The following GALNT1 variants were observed in gnomAD, a reference collection of about 807,000 sequenced individuals.
GALNT1 encodes GalNAc transferase 1.
In GALNT1, 17 loss-of-function variants were observed where a neutral mutation model predicts 65.7. The observed-to-expected ratio is 0.26, with a 90% CI of 0.18 to 0.39. The LOEUF is 0.39. Ranked by LOEUF, GALNT1 falls within the 10% of genes least tolerant of loss-of-function variation. The pLI, the probability that GALNT1 is intolerant of heterozygous loss-of-function variation, is 1.00. For missense variants in GALNT1, 460 were observed against 672.8 expected, an observed-to-expected ratio of 0.68 and a Z score of 3.50; for synonymous variants, 210 against 219.7, an observed-to-expected ratio of 0.96 and a Z score of 0.39.
chr18:35,615,900 A>G (rs1314157518), intron 1 of GALNT1, among the ~76,000 whole-genome samples: 1 of 152,232 alleles, frequency 6.6e-6, no homozygotes, highest in Non-Finnish European at 1.5e-5. Flanking sequence ...ACTTTTCTGT[A>G]AAGGGCCAGA....
chr18:35,669,588 C>T (rs938803159), intron 3 of GALNT1, among the ~76,000 whole-genome samples: 6 of 152,154 alleles, frequency 3.9e-5, no homozygotes, highest in African/African-American at 1.4e-4. Flanking sequence ...GTTATGTGAT[C>T]ATTTCATTAG....
In GALNT1 at chr18:35,677,529, A is replaced by G. The variant is rs79432560; in HGVS notation, c.315-62A>G. ...TATTGTTCTATCACCCTTCTAGTCCAGATTCCTTTATTATGCAATCTTAAC... is the reference window on the plus strand; with the variant it reads ...TATTGTTCTATCACCCTTCTAGTCCGGATTCCTTTATTATGCAATCTTAAC... On this transcript the variant is annotated intron_variant, in intron 3 of 11. Coordinates refer to ENST00000269195, the MANE Select transcript of GALNT1 (RefSeq NM_020474.4). 2.3e-4 allele frequency: 313 copies of G among 1,366,634 alleles called. No individual in the cohort carries two copies. In the African/African-American group the frequency reaches 4.0e-3, roughly 18 times the overall value. The allele number at this position is 1,366,634 out of a possible 1,614,324, so 84.7% of individuals were successfully genotyped here.
chr18:35,628,477 C>T lies in GALNT1; in HGVS notation c.-103-26083C>T, dbSNP rs1413256271. Among the ~76,000 whole-genome samples, 3 of 152,220 alleles carry T rather than the reference C, an allele frequency of 2.0e-5. No homozygotes were observed. The South Asian group carries it at 6.2e-4, about 31-fold the overall frequency. On this transcript the variant is annotated intron_variant, in intron 1 of 11. Transcript: ENST00000269195. ...AACAGGGTCTGGAGTGGACCTCCAGCAAACTCCAAGAGACCTGCAGCTGAG... is the reference window on the plus strand; with the variant it reads ...AACAGGGTCTGGAGTGGACCTCCAGTAAACTCCAAGAGACCTGCAGCTGAG...
At chr18:35,613,181 T>C (rs926494844) in intron 1 of GALNT1, among the ~76,000 whole-genome samples, 1 of 152,166 alleles carries the variant, frequency 6.6e-6, no homozygotes, top group Admixed American at 6.5e-5. Flanking sequence ...TTTGAATGCA[T>C]TGATCTTTGT....
rs572981312 is a variant in GALNT1, at chr18:35,619,018, A to T, written c.-103-35542A>T. Among the ~76,000 whole-genome samples, 428 of 152,302 alleles carry T rather than the reference A, an allele frequency of 2.8e-3. 2 individuals carry two copies. Among genetic ancestry groups the T allele is most frequent in the African/African-American group, 9.9e-3 (410 of 41,554 alleles). On this transcript the variant is annotated intron_variant, in intron 1 of 11. Coordinates refer to ENST00000269195, the MANE Select transcript of GALNT1 (RefSeq NM_020474.4). ...TTAGGGAGAGACTAGTAAGAGAGAA[A>T]CCAAGTTAGAAAACACAGCAACTTA...
upstream of GALNT1, chr18:35,581,698 G>C (rs1259926229): frequency 0.017 from 1 of 58 alleles, no homozygotes; most frequent in African/African-American, 0.071. Context: ...CGGCGGAGCG[G>C]GGCCCGGCCG....
intron 3 of GALNT1, among the ~76,000 whole-genome samples, chr18:35,673,771 A>G (rs1271223707): frequency 6.6e-6 from 1 of 152,168 alleles, no homozygotes; most frequent in East Asian, 1.9e-4. Context: ...AATATTAGTA[A>G]TAGTAAATAC....
chr18:35,595,897 A>C (rs951218500), intron 1 of GALNT1: 1 of 152,202 alleles, frequency 6.6e-6, no homozygotes, highest in African/African-American at 2.4e-5. Context: ...TTATGAAGAG[A>C]TATGATAACT....
intron 1 of GALNT1, among the ~76,000 whole-genome samples, chr18:35,611,950 C>A (rs78672361): frequency 0.014 from 2,083 of 152,188 alleles, 41 homozygotes; most frequent in African/African-American, 0.046. Flanking sequence ...GTAGGCCTTG[C>A]CCTTTGGGAG....
chr18:35,617,756 AC>A (rs1260184967), intron 1 of GALNT1, among the ~76,000 whole-genome samples: 2 of 152,186 alleles, frequency 1.3e-5, no homozygotes, highest in African/African-American at 4.8e-5. Flanking sequence ...AGCATCTGTA[AC>A]CCAGTTCATA....
At chr18:35,586,910 C>A (rs766978382) in intron 1 of GALNT1, among the ~76,000 whole-genome samples, 1 of 152,152 alleles carries the variant, frequency 6.6e-6, no homozygotes, top group Non-Finnish European at 1.5e-5. Flanking sequence ...AGACCTGTAT[C>A]AGTATGGAGA....
chr18:35,638,039 C>G (rs2047115001), intron 1 of GALNT1, among the ~76,000 whole-genome samples: 1 of 152,202 alleles, frequency 6.6e-6, no homozygotes, highest in Admixed American at 6.5e-5. Flanking sequence ...AGATTCCTTT[C>G]AAAATATTAC....
At chr18:35,600,912 G>A (rs2046573905) in intron 1 of GALNT1, among the ~76,000 whole-genome samples, 1 of 151,910 alleles carries the variant, frequency 6.6e-6, no homozygotes, top group Non-Finnish European at 1.5e-5. Context: ...TTTTTGTTGT[G>A]TCCTTGTCTG....
At chr18:35,606,392 CCTGT>C (rs1418560106) in intron 1 of GALNT1, among the ~76,000 whole-genome samples, 1 of 152,160 alleles carries the variant, frequency 6.6e-6, no homozygotes, top group African/African-American at 2.4e-5. Context: ...GAAAATTTCA[CCTGT>C]CTTTCAACTT....
In GALNT1 at chr18:35,583,504, G is replaced by A. The variant is rs1240475458; in HGVS notation, c.-104+1642G>A. Among the ~76,000 whole-genome samples the A allele has an allele frequency of 2.0e-5, 3 of 152,166 alleles. No homozygotes were observed. The East Asian group carries it at 5.8e-4, about 29-fold the overall frequency. ...TTTAAGCTTTATGAGAGCAGAGATT[G>A]TGGCTTCCTTTTCCAGCCATGTATC... On this transcript the variant is annotated intron_variant, in intron 1 of 11. Transcript: ENST00000269195.
In GALNT1 at chr18:35,683,348, C is replaced by T. The variant is rs763878569; in HGVS notation, c.482-43C>T. On this transcript the variant is annotated intron_variant, in intron 4 of 11. Coordinates refer to ENST00000269195, the MANE Select transcript of GALNT1 (RefSeq NM_020474.4). Reference sequence around the variant, plus strand: ...AAAATTACTTTCATCTGAATAGTGCCAGGCCACACTGGTTTGCATGTTTTC... The same window carrying T: ...AAAATTACTTTCATCTGAATAGTGCTAGGCCACACTGGTTTGCATGTTTTC... The T allele has an allele frequency of 2.7e-6, 4 of 1,497,694 alleles. No individual in the cohort carries two copies. In the Admixed American group the frequency reaches 7.0e-5, roughly 26 times the overall value. The allele number at this position is 1,497,694 out of a possible 1,614,324, so 92.8% of individuals were successfully genotyped here.
chr18:35,583,062 A>G lies in GALNT1; in HGVS notation c.-104+1200A>G, dbSNP rs116284574. Among the ~76,000 whole-genome samples the G allele has an allele frequency of 5.0e-3, 767 of 152,344 alleles. 4 individuals are homozygous for G. Among genetic ancestry groups the G allele is most frequent in the Non-Finnish European group, 8.8e-3 (599 of 68,044 alleles). The stretch of plus-strand genomic sequence containing the variant: ...AATATTTACTGAATGCGATCTGTCT[A>G]TGAGGCACAGTTTTAAGTTCTGGGT... On this transcript the variant is annotated intron_variant, in intron 1 of 11. Coordinates refer to ENST00000269195, the MANE Select transcript of GALNT1 (RefSeq NM_020474.4).
At chr18:35,663,876 G>T (rs891759691) in intron 3 of GALNT1, 74 bp downstream of exon 3, 2 of 1,405,808 alleles carry the variant, frequency 1.4e-6, no homozygotes, top group African/African-American at 2.9e-5. Flanking sequence ...TTGCACTTGA[G>T]TGCTGATTGT....
chr18:35,618,476 G>A (rs927335790), intron 1 of GALNT1, among the ~76,000 whole-genome samples: 6 of 152,052 alleles, frequency 3.9e-5, no homozygotes, highest in South Asian at 2.1e-4. Flanking sequence ...TCTTTTAGTT[G>A]CATTATGGGT....
Sources: allele counts gnomAD v4.1 joint callset (sites outside exome capture counted in the v4.1 genomes callset), GRCh38; gene constraint gnomAD v4.1.1; transcripts MANE v1.5; gene names NCBI Gene and HGNC (gene_info 2026-07-23, HGNC 2026-07-21).